The following NF1 variants were observed in gnomAD, a reference collection of about 807,000 sequenced individuals.
The protein encoded by NF1 is neurofibromin.
In NF1, 122 loss-of-function variants were observed where a neutral mutation model predicts 325.7. The observed-to-expected ratio is 0.37, with a 90% confidence interval of 0.32 to 0.44. The LOEUF is 0.44. NF1 is among the 20% of genes least tolerant of loss of function. NF1 has a pLI of 1.00. For missense variants in NF1, 2,140 were observed against 3,415.4 expected, an observed-to-expected ratio of 0.63 and a Z score of 9.31; for synonymous variants, 1,091 against 1,186.0, an observed-to-expected ratio of 0.92 and a Z score of 1.65.
At chr17:31,227,731 T>A in intron 20 of NF1, 125 bp downstream of exon 20, 1 of 848,832 alleles carries the variant, frequency 1.2e-6, no homozygotes, top group Non-Finnish European at 2.0e-6. Flanking sequence ...TGATATTTAG[T>A]TGTGGTTTAT....
rs532490487 is a variant in NF1 at position 31,318,913 on chromosome 17, C to A, written c.4836-6907C>A. On this transcript the variant is annotated intron_variant, in intron 36 of 57. Transcript: ENST00000358273. Reference sequence around the variant, plus strand: ...GGAAGAAGTACTGTTAGCCCACAGACGGGTATAGTTTGCTTTTGTTCCAGG... The same window carrying A: ...GGAAGAAGTACTGTTAGCCCACAGAAGGGTATAGTTTGCTTTTGTTCCAGG... The A allele has an allele frequency of 1.9e-6, 3 of 1,613,834 alleles. No individual in the cohort carries two copies. The highest frequency in any genetic ancestry group is 1.6e-4 in the Middle Eastern group (1 of 6,084).
intron 36 of NF1, chr17:31,318,456 G>A: frequency 1.9e-6 from 3 of 1,613,956 alleles, no homozygotes; most frequent in South Asian, 1.1e-5. Context: ...GCCATAGACC[G>A]CTTGCCAGAA....
chr17:31,351,702 C>G (rs1331371286), intron 50 of NF1, among the ~76,000 whole-genome samples: 1 of 152,252 alleles, frequency 6.6e-6, no homozygotes, highest in Non-Finnish European at 1.5e-5. Context: ...AGGCGTGAGC[C>G]ACAGCGCCCA....
intron 20 of NF1, among the ~76,000 whole-genome samples, chr17:31,227,936 A>G (rs2067045428): frequency 6.6e-6 from 1 of 152,208 alleles, no homozygotes; most frequent in Non-Finnish European, 1.5e-5. Flanking sequence ...TCATCACAGA[A>G]ATACTGGGCA....
chr17:31,321,378 C>T (rs1437912904), intron 36 of NF1: 1 of 152,006 alleles, frequency 6.6e-6, no homozygotes, highest in Non-Finnish European at 1.5e-5. Flanking sequence ...CATTTTCAGT[C>T]ACAATTCTAG....
intron 1 of NF1, 147 bp downstream of exon 1, chr17:31,095,516 A>G: frequency 2.4e-6 from 1 of 408,692 alleles, no homozygotes; most frequent in South Asian, 2.1e-5. Context: ...AAGGGGGGAT[A>G]AGTGGGGGTG....
chr17:31,201,165 A>T lies in NF1; in HGVS notation c.1185+6A>T. 6.2e-7 allele frequency: 1 copy of T among 1,614,038 alleles called. No individual in the cohort carries two copies. The highest frequency in any genetic ancestry group is 8.5e-7 in the Non-Finnish European group (1 of 1,179,966). Reference sequence around the variant, plus strand: ...ACAACAACCAACACTTTAAGGTGAGAGCATTGGTTTTTATCTAACTATATT... The same window carrying T: ...ACAACAACCAACACTTTAAGGTGAGTGCATTGGTTTTTATCTAACTATATT... On this transcript the variant is annotated splice_donor_region_variant and intron_variant, in intron 10 of 57. Transcript: ENST00000358273.
chr17:31,249,802 T>G (rs2067463020), intron 30 of NF1, among the ~76,000 whole-genome samples: 1 of 151,064 alleles, frequency 6.6e-6, no homozygotes, highest in Non-Finnish European at 1.5e-5. Flanking sequence ...TAGGAATTAT[T>G]TATTCCAAGG....
intron 8 of NF1, among the ~76,000 whole-genome samples, chr17:31,185,790 C>G (rs1350010829): frequency 3.3e-5 from 5 of 152,208 alleles, no homozygotes; most frequent in African/African-American, 1.2e-4. Context: ...TGCTCTGCCA[C>G]TTGGGCCATA....
intron 14 of NF1, among the ~76,000 whole-genome samples, chr17:31,220,434 A>C (rs989060276): frequency 6.6e-6 from 1 of 152,174 alleles, no homozygotes; most frequent in African/African-American, 2.4e-5. Context: ...CAAATAATTC[A>C]ATTTCTATCA....
intron 33 of NF1, among the ~76,000 whole-genome samples, chr17:31,259,864 T>C (rs2067653363): frequency 6.6e-6 from 1 of 152,218 alleles, no homozygotes; most frequent in Admixed American, 6.5e-5. Context: ...TTATCATCAT[T>C]GTAGTTGTTA....
chr17:31,151,034 CAA>C (rs111746465), intron 1 of NF1, among the ~76,000 whole-genome samples: 184 of 80,064 alleles, frequency 2.3e-3, no homozygotes, highest in East Asian at 4.0e-3. Context: ...GGCTCTGTCT[CAA>C]AAAAAAAATA....
At chr17:31,194,838 A>G (rs573105999) in intron 8 of NF1, among the ~76,000 whole-genome samples, 2 of 152,264 alleles carry the variant, frequency 1.3e-5, no homozygotes, top group South Asian at 2.1e-4. Flanking sequence ...TTGGTTGGCT[A>G]TTGGCAAATG....
intron 38 of NF1, 119 bp downstream of exon 38, chr17:31,327,958 G>A (rs190325710): frequency 1.9e-4 from 177 of 942,228 alleles, no homozygotes; most frequent in Middle Eastern, 6.4e-4. Flanking sequence ...GGTATGCAGT[G>A]TTGGTTAACC....
intron 36 of NF1, among the ~76,000 whole-genome samples, chr17:31,274,999 A>T (rs1453396392): frequency 5.3e-5 from 8 of 152,002 alleles, no homozygotes; most frequent in African/African-American, 1.7e-4. Flanking sequence ...TGGATTTCTC[A>T]TTATCTTCTC....
At chr17:31,316,210 G>C (rs544691486) in intron 36 of NF1, among the ~76,000 whole-genome samples, 1 of 152,294 alleles carries the variant, frequency 6.6e-6, no homozygotes, top group East Asian at 1.9e-4. Flanking sequence ...CCTGAATTAA[G>C]CTGGTGAACT....
At chr17:31,278,264 T>G (rs200528967) in intron 36 of NF1, 1 of 152,182 alleles carries the variant, frequency 6.6e-6, no homozygotes, top group Non-Finnish European at 1.5e-5. Context: ...AAAAAAGTAA[T>G]TTCTGAAAAT....
intron 12 of NF1, among the ~76,000 whole-genome samples, chr17:31,210,077 C>T (rs1045721750): frequency 3.3e-5 from 5 of 152,170 alleles, no homozygotes; most frequent in Non-Finnish European, 5.9e-5. Context: ...AGAGTTAGTT[C>T]TGAGGTTTCT....
At chr17:31,214,840 A>C (rs1399240213) in intron 13 of NF1, among the ~76,000 whole-genome samples, 1 of 152,172 alleles carries the variant, frequency 6.6e-6, no homozygotes, top group Non-Finnish European at 1.5e-5. Context: ...TTAAACTAAC[A>C]TACTTTGATG....
Sources: gnomAD v4.1 joint callset for allele counts (sites outside exome capture counted in the v4.1 genomes callset) on GRCh38, gnomAD v4.1.1 for gene constraint, MANE v1.5 for transcripts, NCBI Gene and HGNC (gene_info 2026-07-23, HGNC 2026-07-21) for gene names.